Variants in RAB15 observed in about 807,000 individuals in gnomAD.
RAB15 encodes RAB15, member RAS oncogene family, also known as ras-related protein Rab-15.
Under a neutral mutation model 31.8 loss-of-function variants are expected in RAB15, and 13 were observed. The observed-to-expected ratio is 0.41, with a 90% CI of 0.27 to 0.65. The LOEUF (loss-of-function observed/expected upper bound fraction) is 0.65, where lower values mean the gene tolerates loss of function less well. Among genes scored for constraint, RAB15 ranks in the 30% least tolerant of loss-of-function variants. The probability of loss-of-function intolerance (pLI) is 0.32; values close to 1 mark genes in which losing one functional copy is unlikely to be tolerated. For missense variants in RAB15, 220 were observed against 277.3 expected, an observed-to-expected ratio of 0.79 and a Z score of 1.47; for synonymous variants, 100 against 105.6, an observed-to-expected ratio of 0.95 and a Z score of 0.33.
At chr14:64,965,996 A>G (rs1440031020) in intron 1 of RAB15, among the ~76,000 whole-genome samples, 1 of 152,196 alleles carries the variant, frequency 6.6e-6, no homozygotes, top group Non-Finnish European at 1.5e-5. Context: ...AGCGACACCT[A>G]GCAGGGGCCC....
rs553147077 is a variant in RAB15 at position 64,958,746 on chromosome 14, G to A, written c.125-6175C>T. 1.4e-4 allele frequency among the ~76,000 whole-genome samples: 21 copies of A among 152,270 alleles called. No individual in the cohort carries two copies. In the East Asian group the frequency reaches 1.5e-3, roughly 11 times the overall value. ...CTACACAGCTCTGGCAGAGGTTCTC[G>A]GAGACGCTGAGAGCCCCAGGAGGAG... is the stretch of plus-strand genomic sequence containing the variant. On this transcript the variant is annotated intron_variant, in intron 1 of 6. Transcript: ENST00000533601. The surrounding 1 kb of genome is among the most constrained non-coding windows in gnomAD (Gnocchi z 4.4).
In RAB15 at chr14:64,946,693, T is replaced by C. The variant is rs1458689768; in HGVS notation, c.*1661A>G. ...AAGTGAGGTTCTTATCCTTCACATA[T>C]GAGTGCCCTGGATTTTGGTTCTTAG... On this transcript the variant is annotated 3_prime_UTR_variant, in exon 7 of 7. Coordinates refer to ENST00000533601, the MANE Select transcript of RAB15 (RefSeq NM_001308154.2). The C allele has an allele frequency of 1.3e-5, 2 of 152,352 alleles. No homozygotes were observed. Among genetic ancestry groups the C allele is most frequent in the East Asian group, 1.9e-4 (1 of 5,180 alleles). 9.4% of individuals were successfully genotyped at this position (152,352 alleles called of 1,614,324 possible).
intron 1 of RAB15, among the ~76,000 whole-genome samples, chr14:64,969,048 A>T (rs1261986267): frequency 1.3e-5 from 2 of 152,248 alleles, no homozygotes; most frequent in Admixed American, 1.3e-4. Context: ...AAGAAGCCAA[A>T]CTATCTTGGC....
rs1285662477 is a variant in RAB15 at position 64,953,243 on chromosome 14, T to C, written c.125-672A>G. On this transcript the variant is annotated intron_variant, in intron 1 of 6. Transcript: ENST00000533601. The surrounding 1 kb of genome is among the most constrained non-coding windows in gnomAD (Gnocchi z 4.6). ...CTTATCTCCTCCCTCTGGCCACTCA[T>C]AGCTCATTGCTATAACATCAGGCAC... 2.0e-5 allele frequency among the ~76,000 whole-genome samples: 3 copies of C among 152,252 alleles called. No homozygotes were observed. The highest frequency in any genetic ancestry group is 2.9e-5 in the Non-Finnish European group (2 of 68,048).
At position 64,955,882 on chromosome 14, in the gene RAB15, C is replaced by T. The variant is rs1177258381; in HGVS notation, c.125-3311G>A. The stretch of plus-strand genomic sequence containing the variant: ...CTCTGCCTCCAGTGGTTTCACATTC[C>T]GGCTCCTCTAAGGTCATATTTCTCA... On this transcript the variant is annotated intron_variant, in intron 1 of 6. Coordinates refer to ENST00000533601, the MANE Select transcript of RAB15 (RefSeq NM_001308154.2). This position sits in a 1 kb window ranked among gnomAD's most constrained non-coding sequence, Gnocchi z 4.4. 2.0e-5 allele frequency among the ~76,000 whole-genome samples: 3 copies of T among 152,170 alleles called. No homozygotes were observed. Among genetic ancestry groups the T allele is most frequent in the Non-Finnish European group, 2.9e-5 (2 of 68,034 alleles).
Position 64,952,455 on chromosome 14 carries a change from G to A in RAB15, c.185+56C>T. The A allele has an allele frequency of 1.0e-5, 14 of 1,345,492 alleles. No individual in the cohort carries two copies. The highest frequency in any genetic ancestry group is 1.5e-5 in the Non-Finnish European group (14 of 940,678). The allele number at this position is 1,345,492 out of a possible 1,614,324, so 83.3% of individuals were successfully genotyped here. On this transcript the variant is annotated intron_variant, in intron 2 of 6. Coordinates refer to ENST00000533601, the MANE Select transcript of RAB15 (RefSeq NM_001308154.2). The surrounding 1 kb of genome is among the most constrained non-coding windows in gnomAD (Gnocchi z 4.2). ...TTTTACACATGGCAGGGGCAGCTAA[G>A]GAGCAGCCAGAAGTCCTCTTCTCCT... is the stretch of plus-strand genomic sequence containing the variant.
chr14:64,959,428 A>C (rs1298001965), intron 1 of RAB15, among the ~76,000 whole-genome samples: 1 of 152,150 alleles, frequency 6.6e-6, no homozygotes, highest in African/African-American at 2.4e-5. Flanking sequence ...TCTAGCCTCA[A>C]CTACACAAAA....
In RAB15 at chr14:64,958,745, C is replaced by T. The variant is rs143483626; in HGVS notation, c.125-6174G>A. On this transcript the variant is annotated intron_variant, in intron 1 of 6. Coordinates refer to ENST00000533601, the MANE Select transcript of RAB15 (RefSeq NM_001308154.2). The surrounding 1 kb of genome is among the most constrained non-coding windows in gnomAD (Gnocchi z 4.4). The stretch of plus-strand genomic sequence containing the variant: ...TCTACACAGCTCTGGCAGAGGTTCT[C>T]GGAGACGCTGAGAGCCCCAGGAGGA... Among the ~76,000 whole-genome samples the T allele has an allele frequency of 6.6e-5, 10 of 152,286 alleles. No homozygotes were observed. Among genetic ancestry groups the T allele is most frequent in the East Asian group, 1.9e-4 (1 of 5,192 alleles).
rs61538903 is a variant in RAB15 at position 64,951,846 on chromosome 14, C to A, written c.186-183G>T. 0.074 allele frequency among the ~76,000 whole-genome samples: 11,208 copies of A among 152,272 alleles called. 475 individuals are homozygous for A. The highest frequency in any genetic ancestry group is 0.088 in the Middle Eastern group (26 of 294). On this transcript the variant is annotated intron_variant, in intron 2 of 6. Coordinates refer to ENST00000533601, the MANE Select transcript of RAB15 (RefSeq NM_001308154.2). The surrounding 1 kb of genome is among the most constrained non-coding windows in gnomAD (Gnocchi z 7.2). Reference sequence around the variant, plus strand: ...GTCATCTGTGCTGGTGCTGACCAGGCCTGCAGGGCCTTGGCCCCTCCTGCC... The same window carrying A: ...GTCATCTGTGCTGGTGCTGACCAGGACTGCAGGGCCTTGGCCCCTCCTGCC...
chr14:64,966,182 G>C (rs954742347), intron 1 of RAB15, among the ~76,000 whole-genome samples: 1 of 152,208 alleles, frequency 6.6e-6, no homozygotes, highest in African/African-American at 2.4e-5. Context: ...ATGTAAGCCA[G>C]CTCCTTGGTT....
Position 64,972,273 on chromosome 14 carries a change from C to G in RAB15, c.-197G>C, listed in dbSNP as rs1278178514. The G allele has an allele frequency of 1.0e-5, 2 of 196,202 alleles. No individual in the cohort carries two copies. The highest frequency in any genetic ancestry group is 2.4e-5 in the African/African-American group (1 of 41,732). The allele number at this position is 196,202 out of a possible 1,614,324, so 12.2% of individuals were successfully genotyped here. A position where few individuals can be genotyped will look rare whatever the true frequency, so the allele number is the denominator to read the frequency against. On this transcript the variant is annotated 5_prime_UTR_variant, in exon 1 of 7. Coordinates refer to ENST00000533601, the MANE Select transcript of RAB15 (RefSeq NM_001308154.2). The surrounding 1 kb of genome is among the most constrained non-coding windows in gnomAD (Gnocchi z 6.3). ...CCGGGAAGCGCGGCTGCGGCGGGAGCCCGGCGCGGCGCCCGCTCGGCTCGG... is the reference window on the plus strand; with the variant it reads ...CCGGGAAGCGCGGCTGCGGCGGGAGGCCGGCGCGGCGCCCGCTCGGCTCGG...
chr14:64,948,216 C>A lies in RAB15; in HGVS notation c.*138G>T. On this transcript the variant is annotated 3_prime_UTR_variant, in exon 7 of 7. Coordinates refer to ENST00000533601, the MANE Select transcript of RAB15 (RefSeq NM_001308154.2). This position sits in a 1 kb window ranked among gnomAD's most constrained non-coding sequence, Gnocchi z 7.0. ...CAGCAGAGCCGCTCTCAGGGCCAGGCAGGGGGAGTAGTGGCTACTGATACT... is the reference window on the plus strand; with the variant it reads ...CAGCAGAGCCGCTCTCAGGGCCAGGAAGGGGGAGTAGTGGCTACTGATACT... 1 of 896,896 alleles carries A rather than the reference C, an allele frequency of 1.1e-6. No homozygotes were observed. 55.6% of individuals were successfully genotyped at this position (896,896 alleles called of 1,614,324 possible). A position where few individuals can be genotyped will look rare whatever the true frequency, so the allele number is the denominator to read the frequency against.
At position 64,954,740 on chromosome 14, in the gene RAB15, G is replaced by A. The variant is rs1052856252; in HGVS notation, c.125-2169C>T. 1.3e-5 allele frequency among the ~76,000 whole-genome samples: 2 copies of A among 152,210 alleles called. No homozygotes were observed. The highest frequency in any genetic ancestry group is 2.4e-5 in the African/African-American group (1 of 41,454). Reference sequence around the variant, plus strand: ...CAGGTCCATCTATGCTGGAACCCACGCTGCCCCTTGCGCTGGTTCTTAGGG... The same window carrying A: ...CAGGTCCATCTATGCTGGAACCCACACTGCCCCTTGCGCTGGTTCTTAGGG... On this transcript the variant is annotated intron_variant, in intron 1 of 6. Transcript: ENST00000533601. The surrounding 1 kb of genome is among the most constrained non-coding windows in gnomAD (Gnocchi z 4.3).
intron 1 of RAB15, among the ~76,000 whole-genome samples, chr14:64,966,156 T>C (rs2140000269): frequency 6.6e-6 from 1 of 152,348 alleles, no homozygotes; most frequent in Middle Eastern, 3.4e-3. Context: ...CACAGCTTCC[T>C]ATGCACTCCC....
intron 1 of RAB15, chr14:64,957,895 A>T (rs1393040679): frequency 6.8e-6 from 1 of 147,102 alleles, no homozygotes; most frequent in Non-Finnish European, 1.5e-5. Flanking sequence ...CTTTTCCCAC[A>T]CGCCCTGGCA....
intron 1 of RAB15, among the ~76,000 whole-genome samples, chr14:64,961,868 T>C (rs1414187782): frequency 6.8e-6 from 1 of 147,978 alleles, no homozygotes; most frequent in Non-Finnish European, 1.5e-5. Context: ...TGAGCTGAGA[T>C]CACACCACTG....
chr14:64,949,104 T>C (rs1270838296), intron 5 of RAB15, among the ~76,000 whole-genome samples: 1 of 152,230 alleles, frequency 6.6e-6, no homozygotes, highest in African/African-American at 2.4e-5. Context: ...CTGTGTGACC[T>C]TGGACAAGTT....
In RAB15 at chr14:64,950,382, A is replaced by C; in HGVS notation, c.357T>G (p.Ile119Met). The C allele has an allele frequency of 6.2e-7, 1 of 1,614,068 alleles. No homozygotes were observed. The highest frequency in any genetic ancestry group is 1.1e-5 in the South Asian group (1 of 91,072). Residue 119 changes from isoleucine (I) to methionine (M), a missense_variant, in exon 5 of 7, where the codon ATT becomes ATG. Coordinates refer to ENST00000533601, the MANE Select transcript of RAB15 (RefSeq NM_001308154.2). The surrounding 1 kb of genome is among the most constrained non-coding windows in gnomAD (Gnocchi z 5.6). ...YAPEGVQKIL[I>M]GNKADEEQKR... ...TCTGCTCCTCATCAGCCTTATTCCCAATAAGGATCTTCTGGACGCCTTCTG... is the reference window on the plus strand; with the variant it reads ...TCTGCTCCTCATCAGCCTTATTCCCCATAAGGATCTTCTGGACGCCTTCTG...
rs1391035394 is a variant in RAB15 at position 64,952,789 on chromosome 14, G to C, written c.125-218C>G. The stretch of plus-strand genomic sequence containing the variant: ...CTCCCTGAGCTGAAAGTTGCCACAA[G>C]TAAAGGCCCTGGGGGACCCAGAGGA... On this transcript the variant is annotated intron_variant, in intron 1 of 6. Coordinates refer to ENST00000533601, the MANE Select transcript of RAB15 (RefSeq NM_001308154.2). The surrounding 1 kb of genome is among the most constrained non-coding windows in gnomAD (Gnocchi z 4.2). Among the ~76,000 whole-genome samples the C allele has an allele frequency of 6.6e-6, 1 of 152,226 alleles. No homozygotes were observed. The highest frequency in any genetic ancestry group is 1.5e-5 in the Non-Finnish European group (1 of 68,036).
Sources: gnomAD v4.1 joint callset for allele counts (sites outside exome capture counted in the v4.1 genomes callset) on GRCh38, gnomAD v4.1.1 for gene constraint, Gnocchi (gnomAD v3.1) non-coding constraint, MANE v1.5 for transcripts, NCBI Gene and HGNC (gene_info 2026-07-23, HGNC 2026-07-21) for gene names.